The following ITIH5 variants were observed in gnomAD, a reference collection of about 807,000 sequenced individuals.
ITIH5 encodes the protein inter-alpha-trypsin inhibitor heavy chain H5.
Under a neutral mutation model 77.5 loss-of-function variants are expected in ITIH5, and 65 were observed. The observed-to-expected ratio is 0.84, with a 90% CI of 0.69 to 1.03. The LOEUF (loss-of-function observed/expected upper bound fraction) is 1.03. Among genes scored for constraint, ITIH5 ranks in the 50% least tolerant of loss-of-function variants. The pLI, the probability that ITIH5 is intolerant of heterozygous loss-of-function variation, is 0.00. For missense variants in ITIH5, 1,208 were observed against 1,213.1 expected (o/e 1.00, Z 0.06); for synonymous variants, 525 against 494.3 (o/e 1.06, Z -0.82).
intron 5 of ITIH5, among the ~76,000 whole-genome samples, chr10:7,633,775 T>C (rs1226600041): frequency 6.6e-6 from 1 of 152,082 alleles, no homozygotes; most frequent in Admixed American, 6.5e-5. Flanking sequence ...TCATCTAGAA[T>C]TGCATCTTTA....
intron 2 of ITIH5, among the ~76,000 whole-genome samples, chr10:7,644,920 A>G (rs1833984685): frequency 1.5e-5 from 1 of 68,238 alleles, no homozygotes; most frequent in Admixed American, 2.3e-4. Context: ...TCACATATAT[A>G]TATCACATAT....
intron 11 of ITIH5, chr10:7,570,489 A>G (rs2130946113): frequency 6.6e-6 from 1 of 152,088 alleles, no homozygotes; most frequent in Admixed American, 6.5e-5. Flanking sequence ...TGTTCTCCTC[A>G]TTTTCACCTC....
chr10:7,603,567 G>A (rs1833057867), intron 7 of ITIH5, among the ~76,000 whole-genome samples: 1 of 152,094 alleles, frequency 6.6e-6, no homozygotes, highest in African/African-American at 2.4e-5. Context: ...TCTCAACAAC[G>A]CTGATACGGT....
chr10:7,651,384 G>C (rs1419757459), intron 2 of ITIH5, among the ~76,000 whole-genome samples: 1 of 152,126 alleles, frequency 6.6e-6, no homozygotes, highest in Non-Finnish European at 1.5e-5. Flanking sequence ...AGGAGTTTAA[G>C]ACCAGCCTGG....
At chr10:7,583,313 G>C (rs1342192014) in intron 8 of ITIH5, among the ~76,000 whole-genome samples, 1 of 152,100 alleles carries the variant, frequency 6.6e-6, no homozygotes, top group African/African-American at 2.4e-5. Context: ...CATTTTATTG[G>C]AATCACTAAT....
At chr10:7,628,666 CAT>C (rs200171866) in intron 5 of ITIH5, among the ~76,000 whole-genome samples, 32,398 of 115,626 alleles carry the variant, frequency 0.28, 6,818 homozygotes, top group African/African-American at 0.41. Flanking sequence ...TGGGTTGTCA[CAT>C]GTGTCCATGT....
At chr10:7,570,523 T>A (rs1832276101) in intron 11 of ITIH5, 1 of 152,274 alleles carries the variant, frequency 6.6e-6, no homozygotes, top group African/African-American at 2.4e-5. Flanking sequence ...CAGCCTTGCC[T>A]TTTATTATAC....
At chr10:7,605,619 G>A (rs1310195492) in intron 7 of ITIH5, among the ~76,000 whole-genome samples, 2 of 152,022 alleles carry the variant, frequency 1.3e-5, no homozygotes. Context: ...GGGAAGCTGA[G>A]TGACAGTCAG....
chr10:7,656,724 C>T (rs943763935), intron 1 of ITIH5, among the ~76,000 whole-genome samples: 5 of 150,326 alleles, frequency 3.3e-5, no homozygotes, highest in Non-Finnish European at 7.4e-5. Flanking sequence ...AAGAAATATG[C>T]CTAGACTTCA....
chr10:7,608,271 C>T (rs546906594), intron 7 of ITIH5, among the ~76,000 whole-genome samples: 2 of 152,224 alleles, frequency 1.3e-5, no homozygotes, highest in South Asian at 2.1e-4. Flanking sequence ...CTTTGATCTC[C>T]GTCGTTTAAT....
chr10:7,577,577 G>A (rs895050419), intron 9 of ITIH5, among the ~76,000 whole-genome samples: 5 of 152,282 alleles, frequency 3.3e-5, no homozygotes, highest in Admixed American at 6.5e-5. Context: ...TTTAAGCAGC[G>A]CATTCTACTT....
At position 7,580,082 on chromosome 10, in the gene ITIH5, G is replaced by C. The variant is rs779223947; in HGVS notation, c.1109-18C>G. The C allele has an allele frequency of 1.3e-6, 2 of 1,576,726 alleles. No individual in the cohort carries two copies. The highest frequency in any genetic ancestry group is 2.7e-5 in the African/African-American group (2 of 74,074). ...GTCTGTGCCTGCAGGACACCAACAC[G>C]GAACAGCTCAAGCCTCTGCACTCAC... On this transcript the variant is annotated intron_variant, in intron 8 of 13. Transcript: ENST00000397146.
At chr10:7,591,163 G>A (rs528756060) in intron 7 of ITIH5, among the ~76,000 whole-genome samples, 82 of 152,216 alleles carry the variant, frequency 5.4e-4, no homozygotes, top group Non-Finnish European at 1.1e-3. Flanking sequence ...CCAAAGTGCT[G>A]GGATTACAGG....
intron 1 of ITIH5, among the ~76,000 whole-genome samples, chr10:7,656,277 C>T (rs971585450): frequency 4.6e-5 from 7 of 152,246 alleles, no homozygotes; most frequent in South Asian, 2.1e-4. Context: ...GGCAGTGGTG[C>T]GATCACAGCT....
At chr10:7,602,518 T>A (rs913080033) in intron 7 of ITIH5, among the ~76,000 whole-genome samples, 1 of 152,150 alleles carries the variant, frequency 6.6e-6, no homozygotes, top group African/African-American at 2.4e-5. Flanking sequence ...TTTTTAAGCA[T>A]CTGGCATTTC....
At chr10:7,604,484 C>T (rs556194819) in intron 7 of ITIH5, among the ~76,000 whole-genome samples, 1 of 152,340 alleles carries the variant, frequency 6.6e-6, no homozygotes, top group South Asian at 2.1e-4. Flanking sequence ...CTTCTCCGTC[C>T]TCTTTTCATT....
At chr10:7,568,570 CAT>C (rs150640065) in intron 12 of ITIH5, among the ~76,000 whole-genome samples, 5,325 of 152,266 alleles carry the variant, frequency 0.035, 328 homozygotes, top group African/African-American at 0.12. Flanking sequence ...CACAAGAAAA[CAT>C]GTGTTGAAGG....
rs1436616456 is a variant in ITIH5 at position 7,559,754 on chromosome 10, T to C, written c.*3329A>G. The stretch of plus-strand genomic sequence containing the variant: ...TCAAGGTGCCAGCAGACATGGTGTC[T>C]GGTGAGGGCCGTCTTCCTGGCTTGC... On this transcript the variant is annotated 3_prime_UTR_variant, in exon 14 of 14. Transcript: ENST00000397146. 2.2e-6 allele frequency: 1 copy of C among 450,510 alleles called. No homozygotes were observed. The highest frequency in any genetic ancestry group is 1.6e-5 in the South Asian group (1 of 63,334). 27.9% of individuals were successfully genotyped at this position (450,510 alleles called of 1,614,324 possible). A position where few individuals can be genotyped will look rare whatever the true frequency, so the allele number is the denominator to read the frequency against.
At chr10:7,594,559 T>C (rs1406022614) in intron 7 of ITIH5, among the ~76,000 whole-genome samples, 2 of 152,170 alleles carry the variant, frequency 1.3e-5, no homozygotes, top group Non-Finnish European at 2.9e-5. Context: ...TGTATGATCA[T>C]ATGTATCGCA....
Sources: gnomAD v4.1 joint callset for allele counts (sites outside exome capture counted in the v4.1 genomes callset) on GRCh38, gnomAD v4.1.1 for gene constraint, MANE v1.5 for transcripts, NCBI Gene and HGNC (gene_info 2026-07-23, HGNC 2026-07-21) for gene names.